Variants in SAMD8 observed in about 807,000 individuals in gnomAD.
SAMD8 encodes the protein sphingomyelin synthase-related protein 1.
SAMD8 carries 20 observed loss-of-function variants against 42.0 expected under a neutral mutation model. That is an observed-to-expected ratio of 0.48 (90% CI 0.34 to 0.69). The LOEUF (loss-of-function observed/expected upper bound fraction) is 0.69. Among genes scored for constraint, SAMD8 ranks in the 30% least tolerant of loss-of-function variants. SAMD8 has a pLI of 0.01. For missense variants in SAMD8, 328 were observed against 511.6 expected, an observed-to-expected ratio of 0.64 and a Z score of 3.46; for synonymous variants, 162 against 173.0, an observed-to-expected ratio of 0.94 and a Z score of 0.50.
rs111789764 is a variant in SAMD8 at position 75,145,177 on chromosome 10, C to T, written c.-15-5337C>T. On this transcript the variant is annotated intron_variant, in intron 1 of 5. Transcript: ENST00000542569. ...CTCAGGCTGACCTTGAACTCCTGGCCGCAAGGGATCCTCCTGCCTTGCCTC... is the reference window on the plus strand; with the variant it reads ...CTCAGGCTGACCTTGAACTCCTGGCTGCAAGGGATCCTCCTGCCTTGCCTC... Among the ~76,000 whole-genome samples, 118 of 152,154 alleles carry T rather than the reference C, an allele frequency of 7.8e-4. 1 individual carries two copies. The highest frequency in any genetic ancestry group is 1.0e-3 in the Non-Finnish European group (71 of 67,992).
upstream of SAMD8, chr10:75,111,373 C>A (rs1848763038): frequency 1.2e-5 from 7 of 587,952 alleles, no homozygotes; most frequent in Non-Finnish European, 1.7e-5. Context: ...CGGGCTCCTC[C>A]GCGGCAGCAT....
chr10:75,181,209 A>G lies in SAMD8; in HGVS notation c.*4517A>G, dbSNP rs1050975065. 6.6e-6 allele frequency: 1 copy of G among 152,236 alleles called. No individual in the cohort carries two copies. The highest frequency in any genetic ancestry group is 1.5e-5 in the Non-Finnish European group (1 of 68,044). 9.4% of individuals were successfully genotyped at this position (152,236 alleles called of 1,614,324 possible). On this transcript the variant is annotated 3_prime_UTR_variant, in exon 6 of 6. Coordinates refer to ENST00000542569, the MANE Select transcript of SAMD8 (RefSeq NM_001174156.2). ...CAGCAAAGGTGTCAATTTTAATGCC[A>G]ACTTGACAGTTTAACAGTTAGTGTT... is the stretch of plus-strand genomic sequence containing the variant.
chr10:75,108,765 GT>G (rs1395481122), upstream of SAMD8, among the ~76,000 whole-genome samples: 1 of 152,094 alleles, frequency 6.6e-6, no homozygotes, highest in African/African-American at 2.4e-5. Context: ...TCCTGGAAAT[GT>G]TTCCTGGAAC....
chr10:75,169,138 C>T (rs1171454295), intron 4 of SAMD8, among the ~76,000 whole-genome samples: 1 of 135,184 alleles, frequency 7.4e-6, no homozygotes, highest in Non-Finnish European at 1.5e-5. Context: ...CCACTGCACT[C>T]CAGCCTGGGC....
chr10:75,181,923 G>A lies in SAMD8; in HGVS notation c.*5231G>A, dbSNP rs938426360. 9 of 152,136 alleles carry A rather than the reference G, an allele frequency of 5.9e-5. No individual in the cohort carries two copies. Among genetic ancestry groups the A allele is most frequent in the Non-Finnish European group, 1.2e-4 (8 of 68,022 alleles). 9.4% of individuals were successfully genotyped at this position (152,136 alleles called of 1,614,324 possible). A position where few individuals can be genotyped will look rare whatever the true frequency, so the allele number is the denominator to read the frequency against. On this transcript the variant is annotated 3_prime_UTR_variant, in exon 6 of 6. Coordinates refer to ENST00000542569, the MANE Select transcript of SAMD8 (RefSeq NM_001174156.2). ...TTTGTTTTGTGAATTCTACCTAAAT[G>A]TCTCTCTATCCACAGAGAAACTAGT...
In SAMD8 at chr10:75,182,070, T is replaced by C. The variant is rs1295312557; in HGVS notation, c.*5378T>C. On this transcript the variant is annotated 3_prime_UTR_variant, in exon 6 of 6. Coordinates refer to ENST00000542569, the MANE Select transcript of SAMD8 (RefSeq NM_001174156.2). ...TAACTAATATATATTATTTTATATCTTTGTTGTATTAAAATGTTTAAAAAC... is the reference window on the plus strand; with the variant it reads ...TAACTAATATATATTATTTTATATCCTTGTTGTATTAAAATGTTTAAAAAC... 1 of 152,240 alleles carries C rather than the reference T, an allele frequency of 6.6e-6. No homozygotes were observed. Among genetic ancestry groups the C allele is most frequent in the East Asian group, 1.9e-4 (1 of 5,206 alleles). The allele number at this position is 152,240 out of a possible 1,614,324, so 9.4% of individuals were successfully genotyped here. A position where few individuals can be genotyped will look rare whatever the true frequency, so the allele number is the denominator to read the frequency against.
At chr10:75,151,661 T>A (rs1024298532) in intron 2 of SAMD8, among the ~76,000 whole-genome samples, 1 of 151,724 alleles carries the variant, frequency 6.6e-6, no homozygotes, top group African/African-American at 2.4e-5. Flanking sequence ...ACTGCTTAAT[T>A]TATTTTTGTG....
At chr10:75,130,212 C>CTA (rs1462909472) in intron 1 of SAMD8, among the ~76,000 whole-genome samples, 2 of 151,834 alleles carry the variant, frequency 1.3e-5, no homozygotes, top group Non-Finnish European at 2.9e-5. Context: ...AAAAAAACAC[C>CTA]TATGATCAGC....
intron 1 of SAMD8, among the ~76,000 whole-genome samples, chr10:75,136,801 G>A (rs1369612952): frequency 6.6e-6 from 1 of 152,058 alleles, no homozygotes; most frequent in Non-Finnish European, 1.5e-5. Context: ...ATATACAAAG[G>A]TCTAGTAAGC....
intron 4 of SAMD8, among the ~76,000 whole-genome samples, chr10:75,175,493 G>T (rs903466733): frequency 6.6e-6 from 1 of 151,926 alleles, no homozygotes; most frequent in Non-Finnish European, 1.5e-5. Flanking sequence ...TCCTAGTAAA[G>T]GAGTTCATGT....
In SAMD8 at chr10:75,147,827, G is replaced by A. The variant is rs142869930; in HGVS notation, c.-15-2687G>A. ...AAAACAGCAAAATCATATTTCTAAT[G>A]GAATTGTATATATGATATAATAAAT... On this transcript the variant is annotated intron_variant, in intron 1 of 5. Transcript: ENST00000542569. 1.6e-3 allele frequency among the ~76,000 whole-genome samples: 238 copies of A among 152,066 alleles called. 11 individuals are homozygous for A. In the East Asian group the frequency reaches 0.036, roughly 23 times the overall value.
At chr10:75,157,675 T>C (rs1296812895) in intron 2 of SAMD8, among the ~76,000 whole-genome samples, 1 of 152,176 alleles carries the variant, frequency 6.6e-6, no homozygotes, top group Non-Finnish European at 1.5e-5. Flanking sequence ...TAGCAGCACT[T>C]AATGGTCTCC....
chr10:75,107,871 A>G, upstream of SAMD8: 2 of 1,220,738 alleles, frequency 1.6e-6, no homozygotes, highest in East Asian at 2.6e-5. Flanking sequence ...GCCACCACAC[A>G]CGGCCTAAGC....
intron 1 of SAMD8, among the ~76,000 whole-genome samples, chr10:75,100,943 A>C (rs964203732): frequency 3.3e-5 from 5 of 152,126 alleles, no homozygotes; most frequent in African/African-American, 1.2e-4. Context: ...GCTGTTTGCC[A>C]TCCACCTCTC....
At chr10:75,127,694 G>A (rs1300173846) in intron 1 of SAMD8, among the ~76,000 whole-genome samples, 1 of 152,146 alleles carries the variant, frequency 6.6e-6, no homozygotes, top group Non-Finnish European at 1.5e-5. Flanking sequence ...TGTACATCCT[G>A]TCTGCTTCCT....
chr10:75,114,048 GT>G (rs1395891528), intron 1 of SAMD8, among the ~76,000 whole-genome samples: 1 of 152,088 alleles, frequency 6.6e-6, no homozygotes, highest in Admixed American at 6.6e-5. Context: ...AAGAAAATCA[GT>G]TTTTGGCTAG....
chr10:75,134,589 C>G (rs888577851), intron 1 of SAMD8, among the ~76,000 whole-genome samples: 2 of 151,960 alleles, frequency 1.3e-5, no homozygotes, highest in East Asian at 1.9e-4. Flanking sequence ...GAGCCAAGAT[C>G]ACGCCACTGC....
chr10:75,107,987 C>T, upstream of SAMD8: 1 of 1,609,250 alleles, frequency 6.2e-7, no homozygotes, highest in Non-Finnish European at 8.5e-7. Flanking sequence ...GACCCCAAGT[C>T]CTACCCCCAG....
At chr10:75,175,965 T>A in intron 4 of SAMD8, 101 bp from the exon 5 acceptor site, 1 of 1,524,634 alleles carries the variant, frequency 6.6e-7, no homozygotes, top group Non-Finnish European at 8.8e-7. Flanking sequence ...TTAGATCTTA[T>A]TTCTAAGTTA....
Sources: allele counts gnomAD v4.1 joint callset (sites outside exome capture counted in the v4.1 genomes callset), GRCh38; gene constraint gnomAD v4.1.1; transcripts MANE v1.5; gene names NCBI Gene and HGNC (gene_info 2026-07-23, HGNC 2026-07-21).